Variants in DIS3L2 observed in about 807,000 individuals in gnomAD.
DIS3L2 encodes the protein DIS3 like 3'-5' exoribonuclease 2.
DIS3L2 carries 34 observed loss-of-function variants against 97.5 expected under a neutral mutation model. The ratio of observed to expected loss-of-function variants is 0.35; its 90% CI spans 0.27 to 0.46. DIS3L2 has a LOEUF of 0.46. DIS3L2 is among the 20% of genes least tolerant of loss of function. The probability of loss-of-function intolerance (pLI) is 1.00; values close to 1 mark genes in which losing one functional copy is unlikely to be tolerated. For synonymous variants in DIS3L2, 435 were observed against 445.2 expected (o/e 0.98, Z 0.29); for missense variants, 1,038 against 1,146.0 (o/e 0.91, Z 1.36).
At chr2:232,205,656 T>C (rs1692009346) in intron 9 of DIS3L2, among the ~76,000 whole-genome samples, 1 of 152,040 alleles carries the variant, frequency 6.6e-6, no homozygotes, top group African/African-American at 2.4e-5. Context: ...AGTAGGAAAA[T>C]TAGGCACAGC....
intron 11 of DIS3L2, among the ~76,000 whole-genome samples, chr2:232,240,168 ACCTGGCACCTCCTCTCC>A (rs1435050116): frequency 6.6e-6 from 1 of 152,170 alleles, no homozygotes; most frequent in Non-Finnish European, 1.5e-5. Context: ...ACCTAGGAAG[ACCTGGCACCTCCTCTCC>A]CCTGCCCCAG....
intron 5 of DIS3L2, among the ~76,000 whole-genome samples, chr2:232,051,811 CAAAAAAA>C (rs58851349): frequency 8.1e-5 from 3 of 37,062 alleles, no homozygotes; most frequent in Non-Finnish European, 1.4e-4. Flanking sequence ...GACTCCGTCT[CAAAAAAA>C]AAAAAAAAAA....
intron 11 of DIS3L2, among the ~76,000 whole-genome samples, chr2:232,242,417 C>A (rs1693125872): frequency 6.6e-6 from 1 of 152,202 alleles, no homozygotes; most frequent in Non-Finnish European, 1.5e-5. Context: ...GGCCCTGCAA[C>A]CTCTCCAGGT....
At chr2:232,242,592 C>T (rs1574967421) in intron 11 of DIS3L2, among the ~76,000 whole-genome samples, 1 of 152,188 alleles carries the variant, frequency 6.6e-6, no homozygotes, top group Non-Finnish European at 1.5e-5. Context: ...GGCCAGCCTG[C>T]CCACTGTGGC....
chr2:232,167,305 A>G (rs2106167351), intron 9 of DIS3L2, among the ~76,000 whole-genome samples: 1 of 152,314 alleles, frequency 6.6e-6, no homozygotes, highest in Non-Finnish European at 1.5e-5. Context: ...AAATAGAAAA[A>G]TAAAAATGTA....
At chr2:232,333,669 T>C (rs1575027045) in intron 16 of DIS3L2, among the ~76,000 whole-genome samples, 171 bp from the exon 17 acceptor site, 1 of 152,134 alleles carries the variant, frequency 6.6e-6, no homozygotes. Context: ...TGGGGCCCCT[T>C]GTGCAGCAAG....
At chr2:232,018,470 A>G (rs775452913) in intron 3 of DIS3L2, among the ~76,000 whole-genome samples, 8 of 152,224 alleles carry the variant, frequency 5.3e-5, no homozygotes, top group Non-Finnish European at 1.2e-4. Flanking sequence ...TAAGATTTTC[A>G]TAGGCAGAGA....
chr2:232,022,650 G>A (rs1694549964), intron 3 of DIS3L2, among the ~76,000 whole-genome samples: 1 of 152,156 alleles, frequency 6.6e-6, no homozygotes. Context: ...TAATTTCAAT[G>A]AATTGACTTT....
chr2:232,097,030 C>T (rs537678116), intron 6 of DIS3L2, among the ~76,000 whole-genome samples: 4 of 152,204 alleles, frequency 2.6e-5, no homozygotes, highest in South Asian at 2.1e-4. Flanking sequence ...TTGTAGTGTT[C>T]GTGGTCTAGG....
At chr2:232,329,785 T>TGCCCGGGGGGGGGGGGCCCCCC in intron 14 of DIS3L2, 28 bp from the exon 15 acceptor site, 1 of 967,144 alleles carries the variant, frequency 1.0e-6, no homozygotes, top group Non-Finnish European at 1.5e-6. Flanking sequence ...ACCCCAGCGG[T>TGCCCGGGGGGGGGGGGCCCCCC]CCCTCCCATC....
intron 19 of DIS3L2, chr2:232,335,223 A>C: frequency 5.6e-6 from 1 of 177,478 alleles, no homozygotes; most frequent in Non-Finnish European, 1.2e-5. Flanking sequence ...TGGGGTCTGC[A>C]GGTCACCACC....
At chr2:231,981,663 ATATT>A (rs1242072923) in intron 1 of DIS3L2, among the ~76,000 whole-genome samples, 8 of 138,610 alleles carry the variant, frequency 5.8e-5, no homozygotes, top group African/African-American at 2.1e-4. Context: ...ATTATATATC[ATATT>A]TATATATAAA....
chr2:232,202,375 C>T (rs1006909402), intron 9 of DIS3L2, among the ~76,000 whole-genome samples: 14 of 151,806 alleles, frequency 9.2e-5, no homozygotes, highest in Admixed American at 5.2e-4. Context: ...TCCAGCCTGG[C>T]GACAGAGCAA....
chr2:232,107,049 G>A (rs1020057243), intron 6 of DIS3L2, among the ~76,000 whole-genome samples: 2 of 152,164 alleles, frequency 1.3e-5, no homozygotes, highest in African/African-American at 2.4e-5. Flanking sequence ...GAAGTTCTTT[G>A]AAACTAATGA....
At chr2:232,077,656 C>G (rs1010614491) in intron 5 of DIS3L2, among the ~76,000 whole-genome samples, 8 of 152,182 alleles carry the variant, frequency 5.3e-5, no homozygotes, top group Admixed American at 3.9e-4. Context: ...TCTGTCCTGT[C>G]CTTCAGAGAT....
At chr2:232,020,089 C>T (rs1412464002) in intron 3 of DIS3L2, among the ~76,000 whole-genome samples, 1 of 151,868 alleles carries the variant, frequency 6.6e-6, no homozygotes, top group Non-Finnish European at 1.5e-5. Flanking sequence ...GAGAAGGAAG[C>T]CTGTTGGAAC....
intron 14 of DIS3L2, among the ~76,000 whole-genome samples, chr2:232,316,178 C>T (rs1695270252): frequency 6.6e-6 from 1 of 152,176 alleles, no homozygotes; most frequent in South Asian, 2.1e-4. Flanking sequence ...GGCAGCGGCT[C>T]ATCAGCTTCC....
chr2:232,303,830 C>T (rs77336558), intron 14 of DIS3L2, among the ~76,000 whole-genome samples: 10,993 of 152,266 alleles, frequency 0.072, 547 homozygotes, highest in Middle Eastern at 0.13. Flanking sequence ...ATCCTTGGCT[C>T]TCTGTCATCC....
At chr2:232,130,784 C>G in intron 7 of DIS3L2, 65 bp downstream of exon 7, 1 of 1,591,254 alleles carries the variant, frequency 6.3e-7, no homozygotes, top group Non-Finnish European at 8.6e-7. Context: ...TGTTGAAGAT[C>G]TCGTGTGATT....
Sources: allele counts gnomAD v4.1 joint callset (sites outside exome capture counted in the v4.1 genomes callset), GRCh38; gene constraint gnomAD v4.1.1; transcripts MANE v1.5; gene names NCBI Gene and HGNC (gene_info 2026-07-23, HGNC 2026-07-21).